CBLB: variants seen among roughly 807,000 people sequenced by gnomAD.
The protein encoded by CBLB is Cbl proto-oncogene B, also known as E3 ubiquitin-protein ligase CBL-B.
A neutral mutation model predicts 104.9 loss-of-function variants in CBLB; 31 were observed. The observed-to-expected ratio is 0.30, with a 90% CI of 0.22 to 0.40. The LOEUF (loss-of-function observed/expected upper bound fraction) is 0.40, where lower values mean the gene tolerates loss of function less well. CBLB is among the 10% of genes least tolerant of loss of function. CBLB has a pLI of 1.00. For synonymous variants in CBLB, 440 were observed against 422.6 expected, an observed-to-expected ratio of 1.04 and a Z score of -0.51; for missense variants, 1,062 against 1,214.6, an observed-to-expected ratio of 0.87 and a Z score of 1.87.
chr3:105,865,577 C>T (rs2092379154), intron 2 of CBLB, among the ~76,000 whole-genome samples: 1 of 152,142 alleles, frequency 6.6e-6, no homozygotes, highest in Non-Finnish European at 1.5e-5. Flanking sequence ...ATCTATTTTA[C>T]CATAACTCAT....
At chr3:105,781,916 G>A (rs2080307697) in intron 3 of CBLB, among the ~76,000 whole-genome samples, 1 of 152,010 alleles carries the variant, frequency 6.6e-6, no homozygotes, top group African/African-American at 2.4e-5. Context: ...TAAAAAGAAA[G>A]GCAAGACATA....
chr3:105,800,489 A>G (rs191473568), intron 3 of CBLB, among the ~76,000 whole-genome samples: 2 of 152,180 alleles, frequency 1.3e-5, no homozygotes, highest in Admixed American at 1.3e-4. Flanking sequence ...AAGCACTGGT[A>G]TTGCTTTAAG....
rs762857398 is a variant in CBLB at position 105,751,450 on chromosome 3, G to A, written c.723+12C>T. 1 of 1,590,824 alleles carries A rather than the reference G, an allele frequency of 6.3e-7. No individual in the cohort carries two copies. Among genetic ancestry groups the A allele is most frequent in the Non-Finnish European group, 8.6e-7 (1 of 1,159,608 alleles). On this transcript the variant is annotated intron_variant, in intron 5 of 18. Transcript: ENST00000394030. ...AGAAGGGAATGGATAGACTAAGCAA[G>A]TATAAACTTACCTGAAACAGCCTGG...
chr3:105,678,724 T>A (rs2065944931), intron 16 of CBLB, among the ~76,000 whole-genome samples, 153 bp from the exon 17 acceptor site: 1 of 152,228 alleles, frequency 6.6e-6, no homozygotes, highest in South Asian at 2.1e-4. Flanking sequence ...GATAATGGGA[T>A]CTAATTATTT....
At chr3:105,719,926 AGTAT>A in intron 10 of CBLB, 117 bp downstream of exon 10, 1 of 755,512 alleles carries the variant, frequency 1.3e-6, no homozygotes. Context: ...GGCCTAGGCT[AGTAT>A]GTGTGTGTGC....
intron 3 of CBLB, among the ~76,000 whole-genome samples, chr3:105,824,487 G>T (rs957944148): frequency 1.1e-4 from 16 of 152,060 alleles, no homozygotes; most frequent in Non-Finnish European, 7.4e-5. Flanking sequence ...TGTCACGTAA[G>T]AGGACTGAAT....
chr3:105,703,618 C>T (rs1013356740), intron 11 of CBLB, among the ~76,000 whole-genome samples: 1 of 152,112 alleles, frequency 6.6e-6, no homozygotes, highest in Non-Finnish European at 1.5e-5. Flanking sequence ...AATATACTCC[C>T]ATCACATTTT....
intron 2 of CBLB, among the ~76,000 whole-genome samples, chr3:105,862,003 T>C (rs2092132734): frequency 6.6e-6 from 1 of 152,190 alleles, no homozygotes; most frequent in Non-Finnish European, 1.5e-5. Context: ...AAGCTGTTTG[T>C]ACCTAGGATG....
chr3:105,766,687 T>TA (rs1250353289), intron 4 of CBLB, among the ~76,000 whole-genome samples: 1 of 152,180 alleles, frequency 6.6e-6, no homozygotes, highest in African/African-American at 2.4e-5. Flanking sequence ...ACTGCACACC[T>TA]AACAGACTAC....
chr3:105,711,830 T>C (rs2071144921), intron 10 of CBLB, among the ~76,000 whole-genome samples: 1 of 152,160 alleles, frequency 6.6e-6, no homozygotes. Flanking sequence ...TGAAGTTCAC[T>C]AATTCAAAGG....
chr3:105,868,495 G>C, intron 1 of CBLB: 1 of 339,348 alleles, frequency 2.9e-6, no homozygotes, highest in East Asian at 4.5e-5. Context: ...CGGCGCCTGG[G>C]TGGACGCGCC....
chr3:105,706,938 C>G (rs1441238567), intron 10 of CBLB, among the ~76,000 whole-genome samples: 1 of 152,134 alleles, frequency 6.6e-6, no homozygotes, highest in African/African-American at 2.4e-5. Flanking sequence ...CTCTCATTAA[C>G]TGAAACAAGA....
intron 17 of CBLB, 36 bp from the exon 18 acceptor site, chr3:105,670,388 G>A (rs115456352): frequency 1.3e-6 from 2 of 1,569,632 alleles, no homozygotes; most frequent in Admixed American, 1.7e-5. Context: ...TTAAAAGGAT[G>A]ATCTCTGTTG....
chr3:105,662,690 CAAT>C (rs1266803183), intron 18 of CBLB, among the ~76,000 whole-genome samples: 3 of 152,204 alleles, frequency 2.0e-5, no homozygotes, highest in African/African-American at 7.2e-5. Context: ...AAAATAGAAA[CAAT>C]GTCTTGCACT....
chr3:105,818,628 T>C (rs996243044), intron 3 of CBLB, among the ~76,000 whole-genome samples: 3 of 152,190 alleles, frequency 2.0e-5, no homozygotes, highest in African/African-American at 7.2e-5. Context: ...AAGTATATTA[T>C]AATGCAACTG....
intron 3 of CBLB, among the ~76,000 whole-genome samples, chr3:105,794,955 C>T (rs190909443): frequency 4.7e-5 from 7 of 147,916 alleles, no homozygotes; most frequent in Admixed American, 2.7e-4. Flanking sequence ...CTCACTCTGT[C>T]GCCGGGCTGG....
intron 3 of CBLB, among the ~76,000 whole-genome samples, chr3:105,801,000 T>C (rs2082795901): frequency 1.3e-5 from 2 of 151,688 alleles, no homozygotes; most frequent in South Asian, 4.1e-4. Context: ...TATCTCAGCA[T>C]GCTTTAAAAA....
At chr3:105,854,642 TG>T (rs1418643740) in intron 2 of CBLB, among the ~76,000 whole-genome samples, 1 of 151,956 alleles carries the variant, frequency 6.6e-6, no homozygotes, top group Non-Finnish European at 1.5e-5. Flanking sequence ...TTTATTTTAT[TG>T]TTTTTTTAAG....
rs191732725 is a variant in CBLB at position 105,680,249 on chromosome 3, T to G, written c.2428+1230A>C. On this transcript the variant is annotated intron_variant, in intron 16 of 18. Coordinates refer to ENST00000394030, the MANE Select transcript of CBLB (RefSeq NM_170662.5). Reference sequence around the variant, plus strand: ...CAAGGACAGGATCGTCTAAGTAGAGTAAACAGTATGAAGAAAAAAATGACA... The same window carrying G: ...CAAGGACAGGATCGTCTAAGTAGAGGAAACAGTATGAAGAAAAAAATGACA... Among the ~76,000 whole-genome samples, 219 of 151,916 alleles carry G rather than the reference T, an allele frequency of 1.4e-3. 1 individual carries two copies. The highest frequency in any genetic ancestry group is 3.8e-3 in the African/African-American group (157 of 41,440).
Sources: allele counts gnomAD v4.1 joint callset (sites outside exome capture counted in the v4.1 genomes callset), GRCh38; gene constraint gnomAD v4.1.1; transcripts MANE v1.5; gene names NCBI Gene and HGNC (gene_info 2026-07-23, HGNC 2026-07-21).